Variants in MACROD2 observed in about 807,000 individuals in gnomAD.
The protein encoded by MACROD2 is ADP-ribose glycohydrolase MACROD2.
Under a neutral mutation model 70.4 loss-of-function variants are expected in MACROD2, and 36 were observed. That is an observed-to-expected ratio of 0.51 (90% CI 0.39 to 0.68). The LOEUF is 0.68. Ranked by LOEUF, MACROD2 falls within the 30% of genes least tolerant of loss-of-function variation. The pLI is 0.00. For missense variants in MACROD2, 496 were observed against 538.4 expected (o/e 0.92, Z 0.78); for synonymous variants, 172 against 178.8 (o/e 0.96, Z 0.30).
chr20:14,478,831 T>C (rs1308474410), intron 3 of MACROD2, among the ~76,000 whole-genome samples: 5 of 152,134 alleles, frequency 3.3e-5, no homozygotes, highest in Non-Finnish European at 7.3e-5. Context: ...TTTTCCAAGA[T>C]TTTTTGGTCT....
intron 3 of MACROD2, among the ~76,000 whole-genome samples, chr20:14,145,522 A>G (rs368206854): frequency 2.0e-5 from 3 of 152,176 alleles, no homozygotes; most frequent in East Asian, 3.9e-4. Flanking sequence ...TAGGTAGAAG[A>G]TATGTCCTGG....
intron 3 of MACROD2, among the ~76,000 whole-genome samples, chr20:14,383,877 G>A (rs1195422040): frequency 1.3e-5 from 2 of 151,876 alleles, no homozygotes; most frequent in Non-Finnish European, 2.9e-5. Context: ...TATTATGCTT[G>A]TATTTAATAG....
intron 5 of MACROD2, among the ~76,000 whole-genome samples, chr20:15,146,309 G>A (rs2076229804): frequency 6.6e-6 from 1 of 152,056 alleles, no homozygotes; most frequent in South Asian, 2.1e-4. Flanking sequence ...TGCATCATAC[G>A]GAGTATCTGT....
chr20:15,967,504 G>A, intron 12 of MACROD2, 49 bp from the exon 13 acceptor site: 2 of 1,475,082 alleles, frequency 1.4e-6, no homozygotes, highest in Non-Finnish European at 1.9e-6. Flanking sequence ...AAGCTGCTCT[G>A]TTTCCAAGTT....
chr20:15,622,152 A>G (rs774748526), intron 8 of MACROD2, among the ~76,000 whole-genome samples: 5 of 151,896 alleles, frequency 3.3e-5, no homozygotes, highest in African/African-American at 1.2e-4. Flanking sequence ...TTGAGAATAT[A>G]CTCTTTGGTG....
chr20:14,491,595 T>A (rs1317356439), intron 3 of MACROD2, among the ~76,000 whole-genome samples: 1 of 152,182 alleles, frequency 6.6e-6, no homozygotes, highest in African/African-American at 2.4e-5. Flanking sequence ...TTCCAATTCT[T>A]ACACCTACCC....
chr20:14,472,907 G>A (rs930421657), intron 3 of MACROD2, among the ~76,000 whole-genome samples: 1 of 151,950 alleles, frequency 6.6e-6, no homozygotes, highest in African/African-American at 2.4e-5. Flanking sequence ...TGTGTGTGTG[G>A]TCTGGGCCTG....
At position 15,950,562 on chromosome 20, in the gene MACROD2, A is replaced by T. The variant is rs1483769090; in HGVS notation, c.907+13018A>T. ...AAGAGGTGGCTCTACTGAAAAACAG[A>T]AATCATGACAATAGTTCATGTAGAA... On this transcript the variant is annotated intron_variant, in intron 12 of 17. Coordinates refer to ENST00000684519, the MANE Select transcript of MACROD2 (RefSeq NM_001351661.2). 3.3e-5 allele frequency among the ~76,000 whole-genome samples: 5 copies of T among 152,322 alleles called. No homozygotes were observed. The South Asian group carries it at 6.2e-4, about 19-fold the overall frequency.
chr20:15,606,235 A>C (rs996100961), intron 8 of MACROD2, among the ~76,000 whole-genome samples: 1 of 152,206 alleles, frequency 6.6e-6, no homozygotes, highest in Admixed American at 6.5e-5. Context: ...TTTTAGCAGA[A>C]CATATAAGAA....
intron 5 of MACROD2, among the ~76,000 whole-genome samples, chr20:14,836,679 T>C (rs183109857): frequency 6.6e-6 from 1 of 152,170 alleles, no homozygotes; most frequent in African/African-American, 2.4e-5. Flanking sequence ...ATCCTTCCCC[T>C]TGCTCCCATC....
intron 6 of MACROD2, among the ~76,000 whole-genome samples, chr20:15,244,541 C>T (rs1027784423): frequency 2.0e-5 from 3 of 152,060 alleles, no homozygotes; most frequent in African/African-American, 7.2e-5. Flanking sequence ...CCCCTGCACC[C>T]CAGATTGCTG....
At chr20:14,458,326 T>A (rs1269965094) in intron 3 of MACROD2, among the ~76,000 whole-genome samples, 1 of 152,164 alleles carries the variant, frequency 6.6e-6, no homozygotes, top group Non-Finnish European at 1.5e-5. Flanking sequence ...GTTAATTTTA[T>A]ACAAGTAAGA....
intron 5 of MACROD2, among the ~76,000 whole-genome samples, chr20:15,021,114 G>A (rs922062728): frequency 8.9e-6 from 1 of 112,898 alleles, no homozygotes; most frequent in Non-Finnish European, 1.8e-5. Context: ...ACGTGTATGT[G>A]TATACACGTG....
At chr20:14,768,319 A>G (rs1344809531) in intron 5 of MACROD2, among the ~76,000 whole-genome samples, 1 of 151,976 alleles carries the variant, frequency 6.6e-6, no homozygotes, top group Admixed American at 6.6e-5. Context: ...TGACTTTTTA[A>G]TGATCGCCAT....
intron 4 of MACROD2, among the ~76,000 whole-genome samples, chr20:14,576,716 G>A: frequency 9.7e-6 from 1 of 103,322 alleles, no homozygotes; most frequent in East Asian, 5.5e-4. Flanking sequence ...GGTCAAGAGT[G>A]CAGAGGCCAC....
chr20:15,393,037 G>A (rs192008821), intron 6 of MACROD2, among the ~76,000 whole-genome samples: 25 of 151,992 alleles, frequency 1.6e-4, no homozygotes, highest in East Asian at 1.4e-3. Context: ...ACCCATGTCC[G>A]CACGCCTCCA....
At chr20:14,610,728 T>A (rs1396446847) in intron 4 of MACROD2, among the ~76,000 whole-genome samples, 1 of 152,098 alleles carries the variant, frequency 6.6e-6, no homozygotes, top group Non-Finnish European at 1.5e-5. Flanking sequence ...TTTTTTTCTC[T>A]TTTCAAGATA....
intron 3 of MACROD2, among the ~76,000 whole-genome samples, chr20:14,429,154 A>G (rs771275454): frequency 1.3e-4 from 20 of 152,184 alleles, no homozygotes; most frequent in Non-Finnish European, 2.2e-4. Flanking sequence ...ATTTAAACTC[A>G]CTGTAATATT....
At chr20:14,317,934 A>C (rs539590384) in intron 3 of MACROD2, among the ~76,000 whole-genome samples, 17 of 152,322 alleles carry the variant, frequency 1.1e-4, no homozygotes, top group African/African-American at 4.1e-4. Context: ...CAACAACGTA[A>C]TCAGCAGGCA....
Sources: gnomAD v4.1 joint callset for allele counts (sites outside exome capture counted in the v4.1 genomes callset) on GRCh38, gnomAD v4.1.1 for gene constraint, MANE v1.5 for transcripts, NCBI Gene and HGNC (gene_info 2026-07-23, HGNC 2026-07-21) for gene names.